Variants in SI observed in about 807,000 individuals in gnomAD.
The protein encoded by SI is sucrase-isomaltase.
SI carries 235 observed loss-of-function variants against 253.3 expected under a neutral mutation model. The observed-to-expected ratio is 0.93, with a 90% confidence interval of 0.83 to 1.03. The LOEUF is 1.03. Among genes scored for constraint, SI ranks in the 50% least tolerant of loss-of-function variants. The pLI is 0.00. For synonymous variants in SI, 819 were observed against 712.0 expected (o/e 1.15, Z -2.39); for missense variants, 2,442 against 2,211.1 (o/e 1.10, Z -2.09).
intron 17 of SI, among the ~76,000 whole-genome samples, chr3:165,041,593 G>A (rs540414466): frequency 1.3e-4 from 20 of 152,154 alleles, no homozygotes; most frequent in African/African-American, 4.8e-4. Context: ...ATTGCTATTA[G>A]AATTATCACA....
chr3:164,979,960 T>C (rs1295899645), intron 47 of SI, among the ~76,000 whole-genome samples: 1 of 151,914 alleles, frequency 6.6e-6, no homozygotes, highest in East Asian at 1.9e-4. Flanking sequence ...TTATTATCTC[T>C]ATCATGGAGA....
At chr3:165,057,548 C>T (rs545296894) in intron 12 of SI, among the ~76,000 whole-genome samples, 2 of 151,898 alleles carry the variant, frequency 1.3e-5, no homozygotes, top group East Asian at 3.9e-4. Context: ...TAATTAAATT[C>T]CCAAAGGTCA....
chr3:164,983,168 G>T, intron 45 of SI, 117 bp from the exon 46 acceptor site: 4 of 1,004,258 alleles, frequency 4.0e-6, no homozygotes, highest in Non-Finnish European at 5.7e-6. Flanking sequence ...TTATCAAGAT[G>T]TACCTATTTT....
intron 41 of SI, among the ~76,000 whole-genome samples, 157 bp from the exon 42 acceptor site, chr3:164,992,554 T>C (rs369242892): frequency 1.8e-4 from 28 of 152,130 alleles, no homozygotes; most frequent in African/African-American, 6.5e-4. Flanking sequence ...AGTTGGAATG[T>C]AATAGTACAA....
rs1217949654 is a variant in SI, at chr3:165,009,414, G to T, written c.4063-19C>A. ...TGGAAGCCTGTAAAACCAAAATTTA[G>T]GCTCACATGTGGAAAGTCTTAAGAG... is the stretch of plus-strand genomic sequence containing the variant. On this transcript the variant is annotated intron_variant, in intron 34 of 47. Transcript: ENST00000264382. 13 of 1,382,382 alleles carry T rather than the reference G, an allele frequency of 9.4e-6. No homozygotes were observed. Among genetic ancestry groups the T allele is most frequent in the Non-Finnish European group, 1.1e-5 (11 of 968,928 alleles). The allele number at this position is 1,382,382 out of a possible 1,614,324, so 85.6% of individuals were successfully genotyped here.
chr3:165,021,289 A>G lies in SI; in HGVS notation c.3194T>C (p.Val1065Ala). The change falls in exon 27 of 48, where the codon GTG (valine) becomes GCG (alanine). Residue 1065 changes from valine (V) to alanine (A), a missense_variant. Coordinates refer to ENST00000264382, the MANE Select transcript of SI (RefSeq NM_001041.4). ...GCCAAAAGGATTTTCCTTGATTTCC[A>G]CATCATAAAGTCTGTCTTCATAAGT... ...ISTYEDRLYD[V>A]EIKENPFGIQ... 1.9e-6 allele frequency: 3 copies of G among 1,611,542 alleles called. No individual in the cohort carries two copies. Among genetic ancestry groups the G allele is most frequent in the Non-Finnish European group, 2.5e-6 (3 of 1,178,242 alleles).
rs1468185254 is a variant in SI, at chr3:164,979,109, T to C, written c.*253A>G. ...TACATGTTTAGTAACTAGTTTACAA[T>C]TGTAGCTGATACTTAACAAGGATAA... On this transcript the variant is annotated 3_prime_UTR_variant, in exon 48 of 48. Coordinates refer to ENST00000264382, the MANE Select transcript of SI (RefSeq NM_001041.4). 1 of 400,328 alleles carries C rather than the reference T, an allele frequency of 2.5e-6. No homozygotes were observed. Among genetic ancestry groups the C allele is most frequent in the African/African-American group, 2.0e-5 (1 of 49,990 alleles). The allele number at this position is 400,328 out of a possible 1,614,324, so 24.8% of individuals were successfully genotyped here.
chr3:165,043,635 C>T (rs144485111), intron 16 of SI, among the ~76,000 whole-genome samples: 2 of 151,954 alleles, frequency 1.3e-5, no homozygotes, highest in Admixed American at 1.3e-4. Context: ...TAAAATTGAG[C>T]TTTGCCCGAT....
intron 34 of SI, among the ~76,000 whole-genome samples, chr3:165,009,694 TTC>T (rs1166369235): frequency 6.6e-6 from 1 of 152,192 alleles, no homozygotes; most frequent in African/African-American, 2.4e-5. Flanking sequence ...GAAGCTTTTT[TTC>T]TCTGTTACTG....
chr3:165,065,387 T>C lies in SI; in HGVS notation c.681A>G (p.Leu227=), dbSNP rs2108258652. Residue 227 remains leucine, a synonymous_variant, in exon 7 of 48, where the codon TTA becomes TTG. Coordinates refer to ENST00000264382, the MANE Select transcript of SI (RefSeq NM_001041.4). ...CACTTGGAAGACGGGTTGAGATCTG[T>C]AAGTACTGGTCAGAGTACACTAAGG... is the stretch of plus-strand genomic sequence containing the variant. ...IGPLVYSDQY[L]QISTRLPSDY... 3 of 1,584,466 alleles carry C rather than the reference T, an allele frequency of 1.9e-6. No homozygotes were observed. Among genetic ancestry groups the C allele is most frequent in the Non-Finnish European group, 2.6e-6 (3 of 1,159,078 alleles).
Position 165,047,026 on chromosome 3 carries a change from C to T in SI, c.1716-14G>A. On this transcript the variant is annotated splice_polypyrimidine_tract_variant and intron_variant, in intron 15 of 47. Coordinates refer to ENST00000264382, the MANE Select transcript of SI (RefSeq NM_001041.4). ...TTTTGTACAGCTCTAAAAATAAAAC[C>T]AAATTAACAAATACAATTTATTTTA... 1 of 1,509,054 alleles carries T rather than the reference C, an allele frequency of 6.6e-7. No homozygotes were observed. Among genetic ancestry groups the T allele is most frequent in the Non-Finnish European group, 9.1e-7 (1 of 1,096,862 alleles). 93.5% of individuals were successfully genotyped at this position (1,509,054 alleles called of 1,614,324 possible).
intron 16 of SI, 118 bp downstream of exon 16, chr3:165,046,723 A>G: frequency 1.2e-6 from 1 of 850,282 alleles, no homozygotes; most frequent in South Asian, 1.7e-5. Flanking sequence ...ATAAAAATAA[A>G]AAACTGAATT....
Position 165,015,226 on chromosome 3 carries a change from G to T in SI, c.3896C>A (p.Ala1299Glu), listed in dbSNP as rs1559990008. The T allele has an allele frequency of 1.2e-6, 2 of 1,609,784 alleles. No homozygotes were observed. The highest frequency in any genetic ancestry group is 1.3e-5 in the African/African-American group (1 of 74,800). ...GMRYIIILDP[A>E]ISGNETKTYP... The stretch of plus-strand genomic sequence containing the variant: ...AGTCTTTGTTTCATTTCCTGAAATT[G>T]CTGGATCCTAAAATTAAAATGAAAT... Residue 1299 changes from alanine to glutamate, a missense_variant, in exon 33 of 48, where the codon GCA (alanine) becomes GAA (glutamate). Coordinates refer to ENST00000264382, the MANE Select transcript of SI (RefSeq NM_001041.4).
At chr3:165,073,782 T>C (rs1220385953) in intron 3 of SI, among the ~76,000 whole-genome samples, 1 of 152,268 alleles carries the variant, frequency 6.6e-6, no homozygotes, top group African/African-American at 2.4e-5. Flanking sequence ...ATTATTTGTA[T>C]AGCATTTACA....
At chr3:165,075,143 A>T (rs770389901) in intron 2 of SI, among the ~76,000 whole-genome samples, 22 of 152,124 alleles carry the variant, frequency 1.4e-4, no homozygotes, top group Non-Finnish European at 2.6e-4. Flanking sequence ...GGAATAGCGA[A>T]GAATGGTAGA....
At chr3:165,075,320 C>T (rs927003950) in intron 2 of SI, among the ~76,000 whole-genome samples, 9 of 151,912 alleles carry the variant, frequency 5.9e-5, no homozygotes, top group African/African-American at 1.7e-4. Context: ...CTTTACAATA[C>T]TGATTTGCTC....
rs769757199 is a variant in SI at position 165,049,716 on chromosome 3, T to C, written c.1597+75A>G. On this transcript the variant is annotated intron_variant, in intron 14 of 47. Coordinates refer to ENST00000264382, the MANE Select transcript of SI (RefSeq NM_001041.4). Reference sequence around the variant, plus strand: ...TACCAAAAATTGTAATTTAGAAATATATGTTAGAAATTACTAGTCAACTAC... The same window carrying C: ...TACCAAAAATTGTAATTTAGAAATACATGTTAGAAATTACTAGTCAACTAC... The C allele has an allele frequency of 4.8e-6, 4 of 833,244 alleles. No individual in the cohort carries two copies. The East Asian group carries it at 1.0e-4, about 21-fold the overall frequency. 51.6% of individuals were successfully genotyped at this position (833,244 alleles called of 1,614,324 possible).
At chr3:165,086,930 G>T in the SI span, among the ~76,000 whole-genome samples, 4 of 152,242 alleles carry the variant, frequency 2.6e-5, no homozygotes, top group South Asian at 8.3e-4. Flanking sequence ...CTGCAGACTG[G>T]GTGGAGAGTT....
chr3:165,016,090 C>T lies in SI; in HGVS notation c.3760-10G>A, dbSNP rs781698315. The T allele has an allele frequency of 6.2e-7, 1 of 1,611,778 alleles. No homozygotes were observed. The highest frequency in any genetic ancestry group is 8.5e-7 in the Non-Finnish European group (1 of 1,178,402). On this transcript the variant is annotated splice_polypyrimidine_tract_variant and intron_variant, in intron 31 of 47. Transcript: ENST00000264382. ...CTGTGTACTGAACATCCTGAAATAT[C>T]CAAAAATTATCAAAGTAGGGCAAAA...
Sources: allele counts gnomAD v4.1 joint callset (sites outside exome capture counted in the v4.1 genomes callset), GRCh38; gene constraint gnomAD v4.1.1; transcripts MANE v1.5; gene names NCBI Gene and HGNC (gene_info 2026-07-23, HGNC 2026-07-21).